The following RIMBP2 variants were observed in gnomAD, a reference collection of about 807,000 sequenced individuals.
The protein encoded by RIMBP2 is RIMS-binding protein 2.
In RIMBP2, 48 loss-of-function variants were observed where a neutral mutation model predicts 118.6. The ratio of observed to expected loss-of-function variants is 0.40; its 90% CI spans 0.32 to 0.51. RIMBP2 has a LOEUF of 0.51. RIMBP2 is among the 20% of genes least tolerant of loss of function. The pLI, the probability that RIMBP2 is intolerant of heterozygous loss-of-function variation, is 0.41. For synonymous variants in RIMBP2, 762 were observed against 742.9 expected, an observed-to-expected ratio of 1.03 and a Z score of -0.42; for missense variants, 1,551 against 1,768.3, an observed-to-expected ratio of 0.88 and a Z score of 2.20.
At position 130,424,261 on chromosome 12, in the gene RIMBP2, C is replaced by T. The variant is rs567496556; in HGVS notation, c.3010G>A (p.Gly1004Ser). The change falls in exon 16 of 23, where the codon GGC becomes AGC. Residue 1004 changes from glycine to serine, a missense_variant. Physicochemically the swap from Gly to Ser is moderately conservative, Grantham distance 56 (BLOSUM62 0). This residue lies in a region of RIMBP2 where 1,038 missense variants were observed against 1,125.1 expected (regional missense o/e 0.92). Transcript: ENST00000690449. This position sits in a 1 kb window ranked among gnomAD's most constrained non-coding sequence, Gnocchi z 9.8. ...ERPPPRKHGW[G>S]EPTEHQDFRG... ...AAATCTTGGTGCTCGGTGGGCTCGC[C>T]CCAGCCGTGCTTCCTGGGGGGCGGC... 42 of 1,231,806 alleles carry T rather than the reference C, an allele frequency of 3.4e-5. No homozygotes were observed. Among genetic ancestry groups the T allele is most frequent in the Middle Eastern group, 6.2e-4 (2 of 3,208 alleles). 76.3% of individuals were successfully genotyped at this position (1,231,806 alleles called of 1,614,324 possible). A position where few individuals can be genotyped will look rare whatever the true frequency, so the allele number is the denominator to read the frequency against.
chr12:130,572,954 C>T (rs2057796855), intron 2 of RIMBP2, among the ~76,000 whole-genome samples: 1 of 152,014 alleles, frequency 6.6e-6, no homozygotes. Context: ...GGCATCCTTC[C>T]CCCCGGGGGG....
intron 2 of RIMBP2, among the ~76,000 whole-genome samples, chr12:130,614,227 C>T (rs1378612508): frequency 6.6e-6 from 1 of 152,162 alleles, no homozygotes; most frequent in East Asian, 1.9e-4. Context: ...AATAAAGAAA[C>T]AGAAGTTACT....
At chr12:130,657,284 CTA>C (rs2063470359) in intron 1 of RIMBP2, among the ~76,000 whole-genome samples, 1 of 152,144 alleles carries the variant, frequency 6.6e-6, no homozygotes, top group African/African-American at 2.4e-5. Flanking sequence ...TGCAAAGACC[CTA>C]TTTGCAAATA....
chr12:130,685,233 A>C (rs7969111), intron 1 of RIMBP2, among the ~76,000 whole-genome samples: 9,443 of 152,196 alleles, frequency 0.062, 968 homozygotes, highest in African/African-American at 0.21. Flanking sequence ...AAGAAGAAAG[A>C]GCATTTTTAC....
intron 1 of RIMBP2, among the ~76,000 whole-genome samples, chr12:130,707,644 G>A (rs1015823308): frequency 2.0e-5 from 3 of 152,158 alleles, no homozygotes; most frequent in Non-Finnish European, 2.9e-5. Context: ...GGACTGAGCC[G>A]TTTCCAACAG....
chr12:130,515,829 CT>C (rs2051395681), intron 3 of RIMBP2, among the ~76,000 whole-genome samples: 1 of 152,082 alleles, frequency 6.6e-6, no homozygotes, highest in African/African-American at 2.4e-5. Context: ...TCCCAAGTAG[CT>C]GGGATTCCAG....
chr12:130,495,403 A>C (rs766311323), intron 4 of RIMBP2, among the ~76,000 whole-genome samples: 39 of 150,616 alleles, frequency 2.6e-4, no homozygotes, highest in Non-Finnish European at 5.0e-4. Flanking sequence ...TGGTCAGGCC[A>C]CTGTCATCAC....
chr12:130,699,921 A>AG (rs2065772274), intron 1 of RIMBP2, among the ~76,000 whole-genome samples: 1 of 150,912 alleles, frequency 6.6e-6, no homozygotes, highest in Non-Finnish European at 1.5e-5. Flanking sequence ...AAAAAAAAAA[A>AG]AAAAAAAAGA....
chr12:130,576,472 G>A lies in RIMBP2; in HGVS notation c.-217+51850C>T, dbSNP rs917473720. On this transcript the variant is annotated intron_variant, in intron 2 of 22. Coordinates refer to ENST00000690449, the MANE Select transcript of RIMBP2 (RefSeq NM_001393629.1). The surrounding 1 kb of genome is among the most constrained non-coding windows in gnomAD (Gnocchi z 4.2). Reference sequence around the variant, plus strand: ...CTGCATGCCGGCATCCAAGCTGTGCGGGCTAAGTATCTCCTCCCGCGGGAA... The same window carrying A: ...CTGCATGCCGGCATCCAAGCTGTGCAGGCTAAGTATCTCCTCCCGCGGGAA... Among the ~76,000 whole-genome samples the A allele has an allele frequency of 6.6e-6, 1 of 152,116 alleles. No individual in the cohort carries two copies. The highest frequency in any genetic ancestry group is 6.5e-5 in the Admixed American group (1 of 15,276).
Position 130,475,706 on chromosome 12 carries a change from G to T in RIMBP2, c.102+3206C>A, listed in dbSNP as rs150718945. On this transcript the variant is annotated intron_variant, in intron 5 of 22. Coordinates refer to ENST00000690449, the MANE Select transcript of RIMBP2 (RefSeq NM_001393629.1). This position sits in a 1 kb window ranked among gnomAD's most constrained non-coding sequence, Gnocchi z 4.1. ...TTTACAGCTTCAGCAGGGTATTGGG[G>T]AACAAAGGAATGATGGGTACACAGA... is the stretch of plus-strand genomic sequence containing the variant. 7.2e-5 allele frequency among the ~76,000 whole-genome samples: 11 copies of T among 152,094 alleles called. No homozygotes were observed. Among genetic ancestry groups the T allele is most frequent in the Non-Finnish European group, 1.6e-4 (11 of 67,986 alleles).
intron 19 of RIMBP2, among the ~76,000 whole-genome samples, chr12:130,411,034 G>A (rs1201919993): frequency 6.6e-6 from 1 of 152,110 alleles, no homozygotes; most frequent in African/African-American, 2.4e-5. Flanking sequence ...AGTGTTTTCT[G>A]ATTTTCGGCA....
intron 2 of RIMBP2, among the ~76,000 whole-genome samples, chr12:130,589,944 C>T (rs1400555670): frequency 1.3e-5 from 2 of 152,260 alleles, no homozygotes; most frequent in East Asian, 1.9e-4. Context: ...CAGGGTGAGG[C>T]ACTGGCACGG....
At chr12:130,428,399 G>T (rs2076933123) in intron 14 of RIMBP2, 62 bp from the exon 15 acceptor site, 1 of 1,528,514 alleles carries the variant, frequency 6.5e-7, no homozygotes, top group Non-Finnish European at 8.8e-7. Flanking sequence ...CAAGAGGCCA[G>T]ATTGAGCTTG....
rs201176049 is a variant in RIMBP2 at position 130,437,073 on chromosome 12, G to A, written c.1875C>T (p.Pro625=). Residue 625 remains proline, a synonymous_variant, in exon 13 of 23, where the codon CCC becomes CCT. Transcript: ENST00000690449. Reference sequence around the variant, plus strand: ...GACCCAGGTGCTCGTCTTTGGTTTCGGGGACTCCAGAACTTGCTAATGGCT... The same window carrying A: ...GACCCAGGTGCTCGTCTTTGGTTTCAGGGACTCCAGAACTTGCTAATGGCT... ...QSKPLASSGV[P]ETKDEHLGPH... is the part of the protein sequence containing the mutation. 1.8e-5 allele frequency: 29 copies of A among 1,572,942 alleles called. No individual in the cohort carries two copies. Among genetic ancestry groups the A allele is most frequent in the East Asian group, 1.4e-4 (6 of 44,084 alleles).
intron 1 of RIMBP2, among the ~76,000 whole-genome samples, chr12:130,680,076 G>A (rs976798410): frequency 4.6e-5 from 7 of 152,216 alleles, no homozygotes; most frequent in African/African-American, 1.7e-4. Flanking sequence ...TTCACCCACC[G>A]TGGGAAGGAC....
At chr12:130,552,326 A>AC (rs1397338688) in intron 2 of RIMBP2, among the ~76,000 whole-genome samples, 2 of 152,254 alleles carry the variant, frequency 1.3e-5, no homozygotes, top group African/African-American at 2.4e-5. Context: ...AAGCAAAGTT[A>AC]CCTTAAGACA....
At position 130,664,411 on chromosome 12, in the gene RIMBP2, G is replaced by A. The variant is rs9705964; in HGVS notation, c.-351-35955C>T. 6.5e-3 allele frequency among the ~76,000 whole-genome samples: 561 copies of A among 86,952 alleles called. 12 individuals carry two copies. The highest frequency in any genetic ancestry group is 0.013 in the Middle Eastern group (2 of 152). 57.0% of individuals were successfully genotyped at this position (86,952 alleles called of 152,430 possible). Reference sequence around the variant, plus strand: ...CATGCACACACACGCACGCACGCACGCACACACACGCACACACATGCATGC... The same window carrying A: ...CATGCACACACACGCACGCACGCACACACACACACGCACACACATGCATGC... On this transcript the variant is annotated intron_variant, in intron 1 of 22. Transcript: ENST00000690449.
At chr12:130,660,850 A>G (rs2063628979) in intron 1 of RIMBP2, among the ~76,000 whole-genome samples, 1 of 152,162 alleles carries the variant, frequency 6.6e-6, no homozygotes, top group African/African-American at 2.4e-5. Flanking sequence ...CACGCAGGCC[A>G]CCTGCATCAT....
intron 1 of RIMBP2, among the ~76,000 whole-genome samples, chr12:130,674,841 C>T (rs1312131105): frequency 6.6e-6 from 1 of 152,012 alleles, no homozygotes; most frequent in Non-Finnish European, 1.5e-5. Context: ...CGGGACGGGT[C>T]GTATACGTGG....
Sources: gnomAD v4.1 joint callset for allele counts (sites outside exome capture counted in the v4.1 genomes callset) on GRCh38, gnomAD v4.1.1 for gene constraint, gnomAD v4.1.1 regional missense constraint, Gnocchi (gnomAD v3.1) non-coding constraint, MANE v1.5 for transcripts, NCBI Gene and HGNC (gene_info 2026-07-23, HGNC 2026-07-21) for gene names.